VWC2L: variants seen among roughly 807,000 people sequenced by gnomAD.
The protein encoded by VWC2L is von Willebrand factor C domain containing 2 like.
A neutral mutation model predicts 21.6 loss-of-function variants in VWC2L; 10 were observed. That is an observed-to-expected ratio of 0.46 (90% CI 0.29 to 0.78). The LOEUF (loss-of-function observed/expected upper bound fraction) is 0.78. VWC2L is among the 30% of genes least tolerant of loss of function. The pLI is 0.10. For synonymous variants in VWC2L, 96 were observed against 94.3 expected (o/e 1.02, Z -0.10); for missense variants, 209 against 277.1 (o/e 0.75, Z 1.74).
intron 2 of VWC2L, among the ~76,000 whole-genome samples, chr2:214,432,166 A>C (rs985896078): frequency 6.6e-6 from 1 of 152,262 alleles, no homozygotes; most frequent in Non-Finnish European, 1.5e-5. Flanking sequence ...GCAAATAAGA[A>C]AACATAGATT....
At chr2:214,468,423 C>T (rs1365177368) in intron 3 of VWC2L, among the ~76,000 whole-genome samples, 1 of 152,116 alleles carries the variant, frequency 6.6e-6, no homozygotes, top group Admixed American at 6.5e-5. Flanking sequence ...CTTTCACATC[C>T]AGATTTTTCT....
At chr2:214,457,242 G>A (rs1210437924) in intron 3 of VWC2L, among the ~76,000 whole-genome samples, 2 of 151,988 alleles carry the variant, frequency 1.3e-5, no homozygotes, top group Non-Finnish European at 2.9e-5. Context: ...CAGGCTTTTG[G>A]TGGGGCAAGG....
intron 3 of VWC2L, among the ~76,000 whole-genome samples, chr2:214,564,648 C>T (rs914952728): frequency 2.6e-5 from 4 of 152,114 alleles, no homozygotes; most frequent in African/African-American, 9.7e-5. Flanking sequence ...CACATTTCCT[C>T]TTCTAAGATG....
At chr2:214,473,895 T>C (rs1204561184) in intron 3 of VWC2L, 1 of 152,190 alleles carries the variant, frequency 6.6e-6, no homozygotes, top group Non-Finnish European at 1.5e-5. Context: ...TCTGTGTCTA[T>C]GGACATATGC....
intron 3 of VWC2L, among the ~76,000 whole-genome samples, chr2:214,554,517 G>T (rs1337956310): frequency 6.6e-6 from 1 of 152,048 alleles, no homozygotes; most frequent in Non-Finnish European, 1.5e-5. Flanking sequence ...TACAAAATTA[G>T]CCGGGTGTGG....
chr2:214,437,323 A>G (rs931647411), intron 3 of VWC2L, among the ~76,000 whole-genome samples: 1 of 152,182 alleles, frequency 6.6e-6, no homozygotes, highest in Non-Finnish European at 1.5e-5. Context: ...TAACTGCTAT[A>G]GAGAGCAACT....
At position 214,578,157 on chromosome 2, in the gene VWC2L, A is replaced by G. The variant is rs575155683; in HGVS notation, c.*2337A>G. On this transcript the variant is annotated 3_prime_UTR_variant, in exon 4 of 4. Transcript: ENST00000312504. ...AATAATAATAATAAATGACAGGAAT[A>G]AGGTTTGAAACTCAGAAAATATCAT... 6.6e-6 allele frequency: 1 copy of G among 152,318 alleles called. No individual in the cohort carries two copies. The highest frequency in any genetic ancestry group is 1.9e-4 in the East Asian group (1 of 5,182). 9.4% of individuals were successfully genotyped at this position (152,318 alleles called of 1,614,324 possible).
chr2:214,563,469 C>A (rs980086668), intron 3 of VWC2L, among the ~76,000 whole-genome samples: 2 of 144,594 alleles, frequency 1.4e-5, no homozygotes, highest in South Asian at 2.2e-4. Context: ...ATGGCATGAA[C>A]CCAGGAGGCA....
At chr2:214,465,939 C>T (rs1344510468) in intron 3 of VWC2L, among the ~76,000 whole-genome samples, 2 of 152,154 alleles carry the variant, frequency 1.3e-5, no homozygotes, top group Non-Finnish European at 2.9e-5. Flanking sequence ...GTTGCACAAT[C>T]GCTGCACTCT....
intron 2 of VWC2L, among the ~76,000 whole-genome samples, chr2:214,420,936 A>C (rs1172928808): frequency 6.6e-6 from 1 of 152,198 alleles, no homozygotes; most frequent in Non-Finnish European, 1.5e-5. Context: ...AATAACAGTG[A>C]TTGAGACCTT....
At position 214,414,235 on chromosome 2, in the gene VWC2L, C is replaced by A; in HGVS notation, c.42C>A (p.Val14=). 1 of 1,613,128 alleles carries A rather than the reference C, an allele frequency of 6.2e-7. No individual in the cohort carries two copies. The highest frequency in any genetic ancestry group is 1.1e-5 in the South Asian group (1 of 90,908). ...HIHEACILLL[V]IPGLVTSAAI... ...ATGAAGCTTGCATACTTCTGTTGGT[C>A]ATCCCTGGATTGGTCACCTCTGCTG... Residue 14 remains valine (V), a synonymous_variant, in exon 2 of 4, where the codon GTC becomes GTA. Coordinates refer to ENST00000312504, the MANE Select transcript of VWC2L (RefSeq NM_001080500.4).
intron 3 of VWC2L, among the ~76,000 whole-genome samples, chr2:214,451,099 G>A (rs1028261709): frequency 6.6e-5 from 10 of 151,960 alleles, no homozygotes; most frequent in Non-Finnish European, 1.3e-4. Context: ...TCAGTATTAG[G>A]TAGAAGCTAG....
intron 3 of VWC2L, among the ~76,000 whole-genome samples, chr2:214,459,807 G>A (rs777827750): frequency 1.3e-4 from 19 of 151,166 alleles, no homozygotes; most frequent in Non-Finnish European, 2.4e-4. Context: ...GACCTGTACA[G>A]TCTCTGCTGA....
chr2:214,517,051 C>G (rs1689154986), intron 3 of VWC2L, among the ~76,000 whole-genome samples: 1 of 152,184 alleles, frequency 6.6e-6, no homozygotes, highest in African/African-American at 2.4e-5. Context: ...GTTCTCTGCT[C>G]AGAAATTTAT....
chr2:214,517,535 T>C (rs1475441941), intron 3 of VWC2L, among the ~76,000 whole-genome samples: 2 of 152,178 alleles, frequency 1.3e-5, no homozygotes, highest in Admixed American at 1.3e-4. Flanking sequence ...GGTTCCCCAG[T>C]TGATTACACT....
chr2:214,428,705 A>G (rs1219506742), intron 2 of VWC2L, among the ~76,000 whole-genome samples: 1 of 151,480 alleles, frequency 6.6e-6, no homozygotes. Flanking sequence ...ACTTGTTATT[A>G]TTATATTTTA....
intron 3 of VWC2L, among the ~76,000 whole-genome samples, chr2:214,469,464 G>A (rs954067929): frequency 3.4e-4 from 51 of 152,226 alleles, no homozygotes; most frequent in African/African-American, 9.4e-4. Context: ...GTGTGGTGGC[G>A]GGCGCCTGTA....
In VWC2L at chr2:214,577,693, A is replaced by G. The variant is rs1431322069; in HGVS notation, c.*1873A>G. On this transcript the variant is annotated 3_prime_UTR_variant, in exon 4 of 4. Transcript: ENST00000312504. ...TGCTATAGGCCCACCCTCAGGAAAC[A>G]TATTTTTTTGAGTCTTGTCAACTGG... The G allele has an allele frequency of 6.6e-6, 1 of 152,152 alleles. No homozygotes were observed. The highest frequency in any genetic ancestry group is 6.6e-5 in the Admixed American group (1 of 15,264). 9.4% of individuals were successfully genotyped at this position (152,152 alleles called of 1,614,324 possible). A position where few individuals can be genotyped will look rare whatever the true frequency, so the allele number is the denominator to read the frequency against.
chr2:214,423,759 A>C (rs559844215), intron 2 of VWC2L, among the ~76,000 whole-genome samples: 14 of 152,284 alleles, frequency 9.2e-5, no homozygotes, highest in African/African-American at 3.4e-4. Flanking sequence ...TAAACCAAAC[A>C]ATATAGGCCA....
Sources: allele counts gnomAD v4.1 joint callset (sites outside exome capture counted in the v4.1 genomes callset), GRCh38; gene constraint gnomAD v4.1.1; transcripts MANE v1.5; gene names NCBI Gene and HGNC (gene_info 2026-07-23, HGNC 2026-07-21).